TNRC18: variants seen among roughly 807,000 people sequenced by gnomAD.
The protein encoded by TNRC18 is trinucleotide repeat-containing gene 18 protein.
TNRC18 carries 69 observed loss-of-function variants against 226.7 expected under a neutral mutation model. The observed-to-expected ratio is 0.30, with a 90% CI of 0.25 to 0.37. TNRC18 has a LOEUF of 0.37. TNRC18 is among the 10% of genes least tolerant of loss of function. The pLI, the probability that TNRC18 is intolerant of heterozygous loss-of-function variation, is 1.00. For missense variants in TNRC18, 4,754 were observed against 4,256.6 expected, an observed-to-expected ratio of 1.12 and a Z score of -3.25; for synonymous variants, 2,449 against 1,927.6, an observed-to-expected ratio of 1.27 and a Z score of -7.09.
Position 5,307,692 on chromosome 7 carries a change from T to C in TNRC18, c.*414A>G, listed in dbSNP as rs1237472910. The C allele has an allele frequency of 3.7e-5, 12 of 328,410 alleles. No homozygotes were observed. In the Admixed American group the frequency reaches 4.1e-4, roughly 11 times the overall value. 20.3% of individuals were successfully genotyped at this position (328,410 alleles called of 1,614,324 possible). A position where few individuals can be genotyped will look rare whatever the true frequency, so the allele number is the denominator to read the frequency against. On this transcript the variant is annotated 3_prime_UTR_variant, in exon 30 of 30. Transcript: ENST00000430969. ...CTAAGGGTGCTTGGGAAGCCCAGAG[T>C]GAGCGTCAGTTTGGTTCCTTAGAAG...
At position 5,334,488 on chromosome 7, in the gene TNRC18, G is replaced by A. The variant is rs190081631; in HGVS notation, c.5720-1439C>T. On this transcript the variant is annotated intron_variant, in intron 18 of 29. Transcript: ENST00000430969. ...TTTTTTTTTTTTTTTTAGTAGAGAC[G>A]GGGTTTCACCGTGTTAGGCAGGCTG... 4.8e-3 allele frequency among the ~76,000 whole-genome samples: 719 copies of A among 149,958 alleles called. 5 individuals are homozygous for A. The highest frequency in any genetic ancestry group is 0.017 in the African/African-American group (682 of 40,858).
Position 5,387,867 on chromosome 7 carries a change from G to T in TNRC18, c.1957C>A (p.Arg653=). The T allele has an allele frequency of 6.3e-7, 1 of 1,596,186 alleles. No individual in the cohort carries two copies. ...GCGCTCTCGGGCCTCTCGGGGTCCC[G>T]CTTCAGCTGCCGGCCGCCGCCCGCT... is the stretch of plus-strand genomic sequence containing the variant. The part of the protein sequence containing the change: ...PAAGGGRQLK[R]DPERPESAKA... Residue 653 remains arginine, a synonymous_variant, in exon 5 of 30, where the codon CGG becomes AGG. Coordinates refer to ENST00000430969, the MANE Select transcript of TNRC18 (RefSeq NM_001080495.3).
At chr7:5,321,239 A>T (rs2128113603) in intron 21 of TNRC18, 49 bp from the exon 22 acceptor site, 1 of 1,348,428 alleles carries the variant, frequency 7.4e-7, no homozygotes, top group Middle Eastern at 2.5e-4. Flanking sequence ...GGCGTCTGCG[A>T]CACCTCTCCC....
Position 5,332,674 on chromosome 7 carries a change from A to AGGG in TNRC18, c.6092_6094dup (p.Pro2031dup), listed in dbSNP as rs1482364651. 2.0e-6 allele frequency: 3 copies of AGGG among 1,529,626 alleles called. No homozygotes were observed. Among genetic ancestry groups the AGGG allele is most frequent in the Admixed American group, 4.2e-5 (2 of 48,138 alleles). The allele number at this position is 1,529,626 out of a possible 1,614,324, so 94.8% of individuals were successfully genotyped here. A position where few individuals can be genotyped will look rare whatever the true frequency, so the allele number is the denominator to read the frequency against. ...ACGCCCGGCGTCCTTGCGCGGGCTC[A>AGGG]GGGGGCCGCCCTTGGCGCAGCGGCT... On this transcript the variant is annotated inframe_insertion, in exon 19 of 30. Transcript: ENST00000430969.
At chr7:5,389,377 T>G in intron 4 of TNRC18, 41 bp from the exon 5 acceptor site, 1 of 1,225,228 alleles carries the variant, frequency 8.2e-7, no homozygotes, top group Non-Finnish European at 1.0e-6. Context: ...GAGCGCCACC[T>G]CCCCTCCCAC....
At chr7:5,408,742 G>A (rs779282776) in intron 2 of TNRC18, among the ~76,000 whole-genome samples, 3 of 152,194 alleles carry the variant, frequency 2.0e-5, no homozygotes, top group Non-Finnish European at 4.4e-5. Context: ...AAACACTTAG[G>A]CTTGGAGCAG....
At chr7:5,413,470 A>C (rs763270408) in intron 2 of TNRC18, among the ~76,000 whole-genome samples, 2 of 151,846 alleles carry the variant, frequency 1.3e-5, no homozygotes, top group Non-Finnish European at 2.9e-5. Flanking sequence ...ACACCTCCTA[A>C]TTACCTCCTG....
intron 3 of TNRC18, among the ~76,000 whole-genome samples, chr7:5,391,748 G>C (rs1156975781): frequency 1.3e-5 from 2 of 150,428 alleles, no homozygotes; most frequent in East Asian, 3.9e-4. Context: ...TTTAATCCCA[G>C]CACTCTGGGA....
intron 25 of TNRC18, among the ~76,000 whole-genome samples, chr7:5,315,575 C>A (rs964319457): frequency 6.6e-6 from 1 of 152,148 alleles, no homozygotes; most frequent in Non-Finnish European, 1.5e-5. Context: ...AGGCGCATGT[C>A]ACCACGCCCG....
At chr7:5,321,312 G>C in intron 21 of TNRC18, 122 bp from the exon 22 acceptor site, 2 of 657,792 alleles carry the variant, frequency 3.0e-6, no homozygotes, top group Non-Finnish European at 5.3e-6. Context: ...TGGGCCTGTG[G>C]GGCTGAGACG....
intron 18 of TNRC18, among the ~76,000 whole-genome samples, chr7:5,340,238 G>A (rs1318115818): frequency 1.3e-5 from 2 of 152,190 alleles, no homozygotes; most frequent in African/African-American, 2.4e-5. Context: ...AAATAAGAAA[G>A]TGAAACAGGT....
chr7:5,345,517 G>GCACCCCCCCC, intron 18 of TNRC18, 45 bp downstream of exon 18: 4 of 377,744 alleles, frequency 1.1e-5, no homozygotes, highest in South Asian at 4.4e-5. Context: ...AATGGCGTCC[G>GCACCCCCCCC]CCCCTCCCAC....
In TNRC18 at chr7:5,369,710, G is replaced by A. The variant is rs547890322; in HGVS notation, c.4219+665C>T. Among the ~76,000 whole-genome samples the A allele has an allele frequency of 1.1e-4, 16 of 152,184 alleles. No individual in the cohort carries two copies. In the South Asian group the frequency reaches 2.1e-3, roughly 20 times the overall value. Reference sequence around the variant, plus strand: ...TACCTGAAATTACCTAATTACTGCCGGACTTCAGTTCCAAGAGCCAATTAA... The same window carrying A: ...TACCTGAAATTACCTAATTACTGCCAGACTTCAGTTCCAAGAGCCAATTAA... On this transcript the variant is annotated intron_variant, in intron 11 of 29. Coordinates refer to ENST00000430969, the MANE Select transcript of TNRC18 (RefSeq NM_001080495.3).
At chr7:5,391,198 C>T (rs1281969891) in intron 3 of TNRC18, among the ~76,000 whole-genome samples, 5 of 152,092 alleles carry the variant, frequency 3.3e-5, no homozygotes, top group African/African-American at 1.2e-4. Flanking sequence ...GTCTCCCAGG[C>T]AGGAGCTGCC....
chr7:5,308,374 G>C (rs1583705181), intron 29 of TNRC18, 62 bp from the exon 30 acceptor site: 2 of 1,475,780 alleles, frequency 1.4e-6, no homozygotes, highest in East Asian at 4.9e-5. Context: ...GGGAGCCCCA[G>C]GGAGCCACAG....
intron 29 of TNRC18, 148 bp downstream of exon 29, chr7:5,308,727 G>C (rs975078509): frequency 1.3e-6 from 1 of 799,588 alleles, no homozygotes; most frequent in Non-Finnish European, 2.0e-6. Context: ...ACAGGAGCCA[G>C]GCACTGAGAG....
intron 3 of TNRC18, among the ~76,000 whole-genome samples, chr7:5,391,682 A>T (rs1462050018): frequency 7.1e-6 from 1 of 139,970 alleles, no homozygotes; most frequent in Admixed American, 7.0e-5. Flanking sequence ...GTAGCCATGG[A>T]GAGAGGAGAA....
At position 5,351,731 on chromosome 7, in the gene TNRC18, C is replaced by T. The variant is rs1791835212; in HGVS notation, c.5470+88G>A. ...GGGCCTCCTCACCCACCATCTCTCCCGTGCGCCCACTCGCTTCCCTCTCGC... is the reference window on the plus strand; with the variant it reads ...GGGCCTCCTCACCCACCATCTCTCCTGTGCGCCCACTCGCTTCCCTCTCGC... On this transcript the variant is annotated intron_variant, in intron 17 of 29. Coordinates refer to ENST00000430969, the MANE Select transcript of TNRC18 (RefSeq NM_001080495.3). The T allele has an allele frequency of 2.1e-6, 3 of 1,420,450 alleles. No individual in the cohort carries two copies. The Admixed American group carries it at 8.4e-5, about 40-fold the overall frequency. The allele number at this position is 1,420,450 out of a possible 1,614,324, so 88.0% of individuals were successfully genotyped here.
At chr7:5,311,503 G>A (rs368576261) in intron 27 of TNRC18, among the ~76,000 whole-genome samples, 17 of 152,182 alleles carry the variant, frequency 1.1e-4, no homozygotes, top group East Asian at 7.7e-4. Context: ...AGCCCGGGGC[G>A]TGGCTGGGAA....
Sources: allele counts gnomAD v4.1 joint callset (sites outside exome capture counted in the v4.1 genomes callset), GRCh38; gene constraint gnomAD v4.1.1; transcripts MANE v1.5; gene names NCBI Gene and HGNC (gene_info 2026-07-23, HGNC 2026-07-21).